Variants in ESR2 observed in about 807,000 individuals in gnomAD.
ESR2 encodes estrogen receptor beta.
Under a neutral mutation model 49.6 loss-of-function variants are expected in ESR2, and 36 were observed. The ratio of observed to expected loss-of-function variants is 0.73; its 90% CI spans 0.56 to 0.96. The LOEUF is 0.96. Among genes scored for constraint, ESR2 ranks in the 40% least tolerant of loss-of-function variants. ESR2 has a pLI of 0.00. For synonymous variants in ESR2, 320 were observed against 266.1 expected, an observed-to-expected ratio of 1.20 and a Z score of -1.97; for missense variants, 714 against 693.0, an observed-to-expected ratio of 1.03 and a Z score of -0.34.
At chr14:64,303,544 T>A (rs2077053915) in intron 1 of ESR2, 1 of 152,182 alleles carries the variant, frequency 6.6e-6, no homozygotes. Flanking sequence ...CAACCTCCAG[T>A]CCTGGATAGC....
At chr14:64,263,859 T>C (rs575527014) in intron 4 of ESR2, among the ~76,000 whole-genome samples, 5 of 152,286 alleles carry the variant, frequency 3.3e-5, no homozygotes, top group African/African-American at 1.2e-4. Flanking sequence ...ACAAAGGCCA[T>C]AGATATTTTG....
chr14:64,319,218 C>T (rs2077296659), intron 1 of ESR2, among the ~76,000 whole-genome samples: 1 of 151,986 alleles, frequency 6.6e-6, no homozygotes, highest in Admixed American at 6.6e-5. Flanking sequence ...ACTACATATC[C>T]ACATTAACAA....
intron 3 of ESR2, among the ~76,000 whole-genome samples, chr14:64,275,635 G>A (rs1357707257): frequency 2.6e-5 from 4 of 151,864 alleles, no homozygotes; most frequent in Non-Finnish European, 2.9e-5. Flanking sequence ...CCTGGGAGTC[G>A]GAGGTTTCAG....
intron 1 of ESR2, among the ~76,000 whole-genome samples, chr14:64,311,503 G>A (rs935414619): frequency 6.6e-6 from 1 of 151,980 alleles, no homozygotes; most frequent in Admixed American, 6.6e-5. Context: ...AGCCAGGTGT[G>A]GTGGTGTGTG....
At position 64,231,913 on chromosome 14, in the gene ESR2, A is replaced by T. The variant is rs2098727622; in HGVS notation, c.*1224T>A. On this transcript the variant is annotated 3_prime_UTR_variant, in exon 9 of 9. Transcript: ENST00000341099. The stretch of plus-strand genomic sequence containing the variant: ...TTATGTTCCACTTGGAATAAGAACT[A>T]ATATTTTTACTGTTTCTTTTTCACC... 6.6e-6 allele frequency: 1 copy of T among 152,214 alleles called. No homozygotes were observed. Among genetic ancestry groups the T allele is most frequent in the Non-Finnish European group, 1.5e-5 (1 of 68,040 alleles). 9.4% of individuals were successfully genotyped at this position (152,214 alleles called of 1,614,324 possible).
chr14:64,260,153 G>C (rs201033689), intron 5 of ESR2: 221 of 633,390 alleles, frequency 3.5e-4, no homozygotes, highest in Non-Finnish European at 6.0e-4. Context: ...CATGGGAAAA[G>C]AAGGCAGTCA....
intron 5 of ESR2, among the ~76,000 whole-genome samples, chr14:64,259,257 G>A (rs1567751839): frequency 6.6e-6 from 1 of 152,154 alleles, no homozygotes; most frequent in Non-Finnish European, 1.5e-5. Flanking sequence ...ATGGGCCCAG[G>A]CCAACAAAAG....
chr14:64,330,887 T>G (rs2077447572), intron 1 of ESR2: 1 of 148,170 alleles, frequency 6.7e-6, no homozygotes, highest in Non-Finnish European at 1.5e-5. Context: ...ATCATACCAC[T>G]GCGTTCCAGC....
In ESR2 at chr14:64,309,607, C is replaced by CAAAAA. The variant is rs545143689; in HGVS notation, c.-90-26537_-90-26533dup. On this transcript the variant is annotated intron_variant, in intron 1 of 8. Transcript: ENST00000358599. ...GGGCAACAAGAGTGAAACTCCATCT[C>CAAAAA]AAAAAAAAAAATAGAGAATCTTGCG... is the stretch of plus-strand genomic sequence containing the variant. 1.5e-4 allele frequency among the ~76,000 whole-genome samples: 19 copies of CAAAAA among 125,890 alleles called. 1 individual carries two copies. Among genetic ancestry groups the CAAAAA allele is most frequent in the Admixed American group, 4.8e-4 (6 of 12,562 alleles). The allele number at this position is 125,890 out of a possible 152,430, so 82.6% of individuals were successfully genotyped here.
At chr14:64,337,581 T>C (rs1163837981) in intron 1 of ESR2, 3 of 152,186 alleles carry the variant, frequency 2.0e-5, no homozygotes, top group East Asian at 1.9e-4. Flanking sequence ...AATTCTATTA[T>C]GCTGATGGTT....
intron 1 of ESR2, among the ~76,000 whole-genome samples, chr14:64,319,551 A>G (rs532698497): frequency 6.6e-6 from 1 of 152,338 alleles, no homozygotes; most frequent in African/African-American, 2.4e-5. Context: ...TTATCCCAAA[A>G]TATACAAATA....
chr14:64,311,513 GCCTGTAGT>G (rs2077188017), intron 1 of ESR2, among the ~76,000 whole-genome samples: 1 of 151,932 alleles, frequency 6.6e-6, no homozygotes, highest in African/African-American at 2.4e-5. Context: ...GGTGGTGTGT[GCCTGTAGT>G]CCCAGCTACT....
At chr14:64,235,198 A>T (rs1368213691) in intron 7 of ESR2, 48 bp from the exon 8 acceptor site, 17 of 1,583,084 alleles carry the variant, frequency 1.1e-5, no homozygotes, top group African/African-American at 2.7e-5. Context: ...GCAAAGGAGC[A>T]GAAGTCGTGT....
Position 64,294,355 on chromosome 14 carries a change from C to T in ESR2, c.-413G>A, listed in dbSNP as rs1475769000. 1 of 152,396 alleles carries T rather than the reference C, an allele frequency of 6.6e-6. No homozygotes were observed. The highest frequency in any genetic ancestry group is 1.5e-5 in the Non-Finnish European group (1 of 68,154). The allele number at this position is 152,396 out of a possible 1,614,324, so 9.4% of individuals were successfully genotyped here. A position where few individuals can be genotyped will look rare whatever the true frequency, so the allele number is the denominator to read the frequency against. On this transcript the variant is annotated 5_prime_UTR_variant, in exon 1 of 9. Transcript: ENST00000341099. ...TCCAAAAAGCCAGCAGCTGGAGAAA[C>T]TGAAAAGATCACAAGCGACTTAACG... is the stretch of plus-strand genomic sequence containing the variant.
At chr14:64,308,283 G>C (rs529839850) in intron 1 of ESR2, among the ~76,000 whole-genome samples, 30 of 152,258 alleles carry the variant, frequency 2.0e-4, no homozygotes, top group African/African-American at 7.0e-4. Flanking sequence ...CAAAGTGCTA[G>C]GATTATAGGC....
intron 1 of ESR2, among the ~76,000 whole-genome samples, chr14:64,292,659 C>T (rs1034055565): frequency 5.3e-5 from 8 of 152,070 alleles, no homozygotes; most frequent in South Asian, 4.1e-4. Flanking sequence ...TTCTATAAAA[C>T]GACTCAAAGC....
At position 64,289,427 on chromosome 14, in the gene ESR2, G is replaced by C. The variant is rs577044752; in HGVS notation, c.-91+4606C>G. On this transcript the variant is annotated intron_variant, in intron 1 of 8. Coordinates refer to ENST00000341099, the MANE Select transcript of ESR2 (RefSeq NM_001437.3). ...CTCGGGAGGATGAGGCAGGACAATC[G>C]CTTGAACCTGGGAGGTGGAGGTTGC... is the stretch of plus-strand genomic sequence containing the variant. 2.9e-3 allele frequency among the ~76,000 whole-genome samples: 446 copies of C among 152,074 alleles called. 4 individuals carry two copies. The highest frequency in any genetic ancestry group is 0.029 in the South Asian group (139 of 4,816).
intron 1 of ESR2, among the ~76,000 whole-genome samples, chr14:64,293,247 C>G (rs1319691776): frequency 6.6e-6 from 1 of 152,168 alleles, no homozygotes; most frequent in African/African-American, 2.4e-5. Flanking sequence ...CATGTTTCCC[C>G]TCACTAGACA....
Position 64,287,068 on chromosome 14 carries a change from A to T in ESR2, c.-90-3993T>A, listed in dbSNP as rs191207053. On this transcript the variant is annotated intron_variant, in intron 1 of 8. Coordinates refer to ENST00000341099, the MANE Select transcript of ESR2 (RefSeq NM_001437.3). ...TTAATTGTGTTAAAATACATGTAAC[A>T]TAAAACTTACCATCTTAGCCATTTC... Among the ~76,000 whole-genome samples, 372 of 151,986 alleles carry T rather than the reference A, an allele frequency of 2.4e-3. 1 individual carries two copies. Among genetic ancestry groups the T allele is most frequent in the Non-Finnish European group, 4.3e-3 (291 of 67,998 alleles).
Sources: gnomAD v4.1 joint callset for allele counts (sites outside exome capture counted in the v4.1 genomes callset) on GRCh38, gnomAD v4.1.1 for gene constraint, MANE v1.5 for transcripts, NCBI Gene and HGNC (gene_info 2026-07-23, HGNC 2026-07-21) for gene names.